The following TRIM15 variants were observed in gnomAD, a reference collection of about 807,000 sequenced individuals.
TRIM15 encodes E3 ubiquitin-protein ligase TRIM15.
A neutral mutation model predicts 35.8 loss-of-function variants in TRIM15; 35 were observed. That is an observed-to-expected ratio of 0.98 (90% CI 0.75 to 1.30). The LOEUF (loss-of-function observed/expected upper bound fraction) is 1.30. TRIM15 is among the 50% of genes most tolerant of loss of function. The pLI is 0.00. For missense variants in TRIM15, 590 were observed against 593.5 expected (o/e 0.99, Z 0.06); for synonymous variants, 252 against 249.8 (o/e 1.01, Z -0.08).
chr6:30,170,652 A>T (rs1773947732), intron 5 of TRIM15, 36 bp downstream of exon 5: 2 of 1,514,902 alleles, frequency 1.3e-6, no homozygotes, highest in Non-Finnish European at 1.8e-6. Context: ...CCCCAGTCCC[A>T]TTAGCTGCCC....
chr6:30,170,086 T>C (rs2074476), intron 4 of TRIM15, among the ~76,000 whole-genome samples: 4,415 of 152,176 alleles, frequency 0.029, 133 homozygotes, highest in East Asian at 0.079. Context: ...TTCATTGCAA[T>C]ATATATTTTC....
chr6:30,170,486 C>G lies in TRIM15; in HGVS notation c.732-15C>G. 6.3e-7 allele frequency: 1 copy of G among 1,599,482 alleles called. No individual in the cohort carries two copies. Among genetic ancestry groups the G allele is most frequent in the Non-Finnish European group, 8.6e-7 (1 of 1,168,250 alleles). ...TTGGAATTTGGACCTAACTGGTTAC[C>G]AAACCTGTCTGCAGGTGTGAGATGA... On this transcript the variant is annotated splice_polypyrimidine_tract_variant and intron_variant, in intron 4 of 6. Coordinates refer to ENST00000376694, the MANE Select transcript of TRIM15 (RefSeq NM_033229.3).
chr6:30,164,312 C>G (rs946574682), intron 1 of TRIM15, among the ~76,000 whole-genome samples: 8 of 152,188 alleles, frequency 5.3e-5, no homozygotes, highest in Non-Finnish European at 1.5e-5. Flanking sequence ...GTGCAAAGAA[C>G]TGTAGCCTTG....
At chr6:30,169,749 A>G in intron 4 of TRIM15, 2 of 356,378 alleles carry the variant, frequency 5.6e-6, no homozygotes, top group South Asian at 4.5e-5. Flanking sequence ...ACCAGGAGCC[A>G]GTGGCATTGT....
At chr6:30,168,613 A>C (rs1201618928) in intron 3 of TRIM15, 83 bp downstream of exon 3, 33 of 1,316,792 alleles carry the variant, frequency 2.5e-5, no homozygotes, top group Non-Finnish European at 3.5e-5. Context: ...GGCTGGAGAG[A>C]GGCAGGAAAG....
chr6:30,171,575 G>A (rs1299401536), intron 6 of TRIM15, among the ~76,000 whole-genome samples: 1 of 152,182 alleles, frequency 6.6e-6, no homozygotes, highest in East Asian at 1.9e-4. Flanking sequence ...ATTTAGTAGG[G>A]TGGGATGGGG....
At chr6:30,171,739 C>G in intron 6 of TRIM15, 93 bp from the exon 7 acceptor site, 1 of 1,423,346 alleles carries the variant, frequency 7.0e-7, no homozygotes, top group Non-Finnish European at 9.2e-7. Flanking sequence ...CTGCCCAAGT[C>G]CAGTACTCCT....
chr6:30,170,113 T>C (rs2074475), intron 4 of TRIM15, among the ~76,000 whole-genome samples: 3,420 of 152,242 alleles, frequency 0.022, 90 homozygotes, highest in Admixed American at 0.058. Flanking sequence ...CCTTTTTTTT[T>C]CTTCCCTTCT....
intron 4 of TRIM15, 61 bp from the exon 5 acceptor site, chr6:30,170,440 G>C: frequency 9.4e-7 from 1 of 1,064,148 alleles, no homozygotes; most frequent in Non-Finnish European, 1.4e-6. Flanking sequence ...GCCTCACGTG[G>C]TCTCACCCGA....
rs747706394 is a variant in TRIM15 at position 30,168,387 on chromosome 6, G to A, written c.565G>A (p.Ala189Thr). Residue 189 changes from alanine to threonine, a missense_variant, in exon 3 of 7, where the codon GCC becomes ACC. Ala to Thr is a moderately conservative substitution (Grantham distance 58). Transcript: ENST00000376694. Reference sequence around the variant, plus strand: ...GGAGCAGCAGCGATGTCTCCTGCTGGCCAGGCTGAGGGAGCTGGAGCAGCA... The same window carrying A: ...GGAGCAGCAGCGATGTCTCCTGCTGACCAGGCTGAGGGAGCTGGAGCAGCA... ...ELEQQRCLLL[A>T]RLRELEQQIW... The A allele has an allele frequency of 3.1e-6, 5 of 1,612,906 alleles. No individual in the cohort carries two copies. Among genetic ancestry groups the A allele is most frequent in the African/African-American group, 1.3e-5 (1 of 74,916 alleles).
At position 30,172,191 on chromosome 6, in the gene TRIM15, G is replaced by A. The variant is rs748506643; in HGVS notation, c.1240G>A (p.Gly414Ser). Residue 414 changes from glycine (G) to serine (S), a missense_variant, in exon 7 of 7, where the codon GGC (glycine) becomes AGC (serine). Gly to Ser is a moderately conservative substitution (Grantham distance 56). Coordinates refer to ENST00000376694, the MANE Select transcript of TRIM15 (RefSeq NM_033229.3). ...TDLPLSEIPR[G>S]VRVALDYEAG... ...CCTGCCGCTGAGCGAGATCCCGCGCGGCGTGAGAGTCGCCCTGGACTACGA... is the reference window on the plus strand; with the variant it reads ...CCTGCCGCTGAGCGAGATCCCGCGCAGCGTGAGAGTCGCCCTGGACTACGA... The A allele has an allele frequency of 1.2e-6, 2 of 1,608,980 alleles. No individual in the cohort carries two copies. Among genetic ancestry groups the A allele is most frequent in the South Asian group, 1.1e-5 (1 of 90,522 alleles).
In TRIM15 at chr6:30,172,038, T is replaced by G. The variant is rs556034206; in HGVS notation, c.1087T>G (p.Cys363Gly). 2.7e-4 allele frequency: 425 copies of G among 1,571,650 alleles called. 8 individuals carry two copies. In the South Asian group the frequency reaches 4.1e-3, roughly 15 times the overall value. Residue 363 changes from cysteine to glycine, a missense_variant, in exon 7 of 7, where the codon TGC becomes GGC. By Grantham distance (159) the Cys-to-Gly change is radical. Coordinates refer to ENST00000376694, the MANE Select transcript of TRIM15 (RefSeq NM_033229.3). The stretch of plus-strand genomic sequence containing the variant: ...CCTGCAGCTGGGCGACGGCGGCGGC[T>G]GCACGGTGGGGGTGGCCGGGGAGGG... ...VDLQLGDGGG[C>G]TVGVAGEGVR...
chr6:30,165,029 C>A (rs779860758), intron 1 of TRIM15, among the ~76,000 whole-genome samples: 4 of 152,062 alleles, frequency 2.6e-5, no homozygotes, highest in Non-Finnish European at 4.4e-5. Flanking sequence ...TAGTCTCTTC[C>A]TCCTAGAATA....
intron 2 of TRIM15, 36 bp from the exon 3 acceptor site, chr6:30,168,264 C>T (rs1434184841): frequency 6.4e-7 from 1 of 1,572,694 alleles, no homozygotes; most frequent in East Asian, 2.2e-5. Flanking sequence ...ATCTCTGAGC[C>T]CCTTCCTAAC....
In TRIM15 at chr6:30,171,995, C is replaced by G. The variant is rs752585923; in HGVS notation, c.1044C>G (p.Arg348=). The G allele has an allele frequency of 2.8e-5, 45 of 1,580,110 alleles. No homozygotes were observed. In the African/African-American group the frequency reaches 5.0e-4, roughly 17 times the overall value. The part of the protein sequence containing the change: ...VLGFPGFSSG[R]HRWQVDLQLG... Reference sequence around the variant, plus strand: ...GCTTCCCGGGCTTCTCCTCCGGGCGCCACCGCTGGCAGGTTGACCTGCAGC... The same window carrying G: ...GCTTCCCGGGCTTCTCCTCCGGGCGGCACCGCTGGCAGGTTGACCTGCAGC... Residue 348 remains arginine, a synonymous_variant, in exon 7 of 7, where the codon CGC becomes CGG. Transcript: ENST00000376694.
intron 1 of TRIM15, among the ~76,000 whole-genome samples, chr6:30,166,260 C>T (rs1306571281): frequency 6.6e-6 from 1 of 152,010 alleles, no homozygotes; most frequent in African/African-American, 2.4e-5. Context: ...GTCTTTAATC[C>T]ATCTTGAGTT....
At chr6:30,170,720 T>G in intron 5 of TRIM15, 104 bp downstream of exon 5, 1 of 916,038 alleles carries the variant, frequency 1.1e-6, no homozygotes, top group Non-Finnish European at 1.7e-6. Context: ...TCGAGACATC[T>G]TCCCTCCCCA....
At chr6:30,169,220 G>A (rs1324077803) in intron 3 of TRIM15, 21 bp from the exon 4 acceptor site, 1 of 1,613,184 alleles carries the variant, frequency 6.2e-7, no homozygotes, top group African/African-American at 1.3e-5. Context: ...CTAAATGTAT[G>A]TTCTTGTCTT....
rs745378049 is a variant in TRIM15 at position 30,172,167 on chromosome 6, C to G, written c.1216C>G (p.Leu406Val). The G allele has an allele frequency of 1.1e-5, 17 of 1,600,450 alleles. No homozygotes were observed. The African/African-American group carries it at 2.1e-4, about 20-fold the overall frequency. ...GGCCAGCACCTCCCCGGGCACCGAC[C>G]TGCCGCTGAGCGAGATCCCGCGCGG... ...CWASTSPGTDLPLSEIPRGVR... is the reference protein window; with the variant it reads ...CWASTSPGTDVPLSEIPRGVR... Residue 406 changes from leucine to valine, a missense_variant, in exon 7 of 7, where the codon CTG becomes GTG. Leu to Val is a conservative substitution (Grantham distance 32). Transcript: ENST00000376694.
Sources: allele counts gnomAD v4.1 joint callset (sites outside exome capture counted in the v4.1 genomes callset), GRCh38; gene constraint gnomAD v4.1.1; transcripts MANE v1.5; gene names NCBI Gene and HGNC (gene_info 2026-07-23, HGNC 2026-07-21).